The following MACF1 variants were observed in gnomAD, a reference collection of about 807,000 sequenced individuals.
MACF1 encodes the protein microtubule-actin cross-linking factor 1.
MACF1 carries 193 observed loss-of-function variants against 854.8 expected under a neutral mutation model. The observed-to-expected ratio is 0.23, with a 90% confidence interval of 0.20 to 0.25. The LOEUF (loss-of-function observed/expected upper bound fraction) is 0.25. Among genes scored for constraint, MACF1 ranks in the 10% least tolerant of loss-of-function variants. MACF1 has a pLI of 1.00. For missense variants in MACF1, 7,722 were observed against 8,929.1 expected, an observed-to-expected ratio of 0.86 and a Z score of 5.45; for synonymous variants, 3,185 against 3,226.7, an observed-to-expected ratio of 0.99 and a Z score of 0.44.
intron 2 of MACF1, among the ~76,000 whole-genome samples, chr1:39,136,567 C>T (rs1473853825): frequency 6.6e-6 from 1 of 152,144 alleles, no homozygotes; most frequent in East Asian, 1.9e-4. Context: ...CATAGAGACA[C>T]GTCACCTCAG....
chr1:39,345,202 T>G (rs1266094959), intron 40 of MACF1, among the ~76,000 whole-genome samples: 1 of 152,222 alleles, frequency 6.6e-6, no homozygotes, highest in Non-Finnish European at 1.5e-5. Flanking sequence ...AAACAGATGA[T>G]TTTAGTGTTT....
At chr1:39,285,239 CATT>C in intron 12 of MACF1, 29 bp downstream of exon 12, 2 of 1,614,130 alleles carry the variant, frequency 1.2e-6, no homozygotes, top group Non-Finnish European at 1.7e-6. Flanking sequence ...AGTGGTCTGA[CATT>C]ATTTATTGAG....
intron 6 of MACF1, among the ~76,000 whole-genome samples, chr1:39,279,231 T>C (rs890318356): frequency 1.3e-5 from 2 of 152,078 alleles, no homozygotes; most frequent in African/African-American, 4.8e-5. Context: ...TAGGGTACAG[T>C]TTCACCTTCA....
intron 20 of MACF1, among the ~76,000 whole-genome samples, chr1:39,296,751 A>AAAGG (rs1305821871): frequency 0.015 from 1,418 of 93,684 alleles, 78 homozygotes; most frequent in African/African-American, 0.06. Flanking sequence ...AGAAAGAAAG[A>AAAGG]AAGGAAGGAA....
At chr1:39,369,116 G>C (rs776757910) in intron 50 of MACF1, among the ~76,000 whole-genome samples, 8 of 151,618 alleles carry the variant, frequency 5.3e-5, no homozygotes, top group Non-Finnish European at 7.4e-5. Flanking sequence ...GGGATTACAG[G>C]TGTGAACCAC....
At chr1:39,244,919 G>A (rs1456134388) in intron 2 of MACF1, among the ~76,000 whole-genome samples, 9 of 151,768 alleles carry the variant, frequency 5.9e-5, no homozygotes, top group Admixed American at 5.9e-4. Flanking sequence ...TGCTGTGTTG[G>A]TCAGGGTGGT....
intron 31 of MACF1, 48 bp downstream of exon 31, chr1:39,319,795 G>A (rs2148450545): frequency 1.5e-6 from 2 of 1,340,864 alleles, no homozygotes; most frequent in East Asian, 2.3e-5. Flanking sequence ...ACCAGCTCAG[G>A]AAAACCTACA....
chr1:39,475,942 C>T (rs1040322994), intron 97 of MACF1, among the ~76,000 whole-genome samples: 1 of 152,096 alleles, frequency 6.6e-6, no homozygotes, highest in African/African-American at 2.4e-5. Context: ...GAGTGGTCAG[C>T]AAGGGAGCAG....
chr1:39,405,066 G>A (rs374626589), intron 58 of MACF1, among the ~76,000 whole-genome samples: 1 of 152,122 alleles, frequency 6.6e-6, no homozygotes. Flanking sequence ...GGCTTACAGG[G>A]GTCATGAGAG....
intron 45 of MACF1, 83 bp from the exon 46 acceptor site, chr1:39,358,613 CA>C (rs1647802397): frequency 1.5e-6 from 2 of 1,331,980 alleles, no homozygotes; most frequent in East Asian, 4.6e-5. Context: ...TTGTCTGTAA[CA>C]AAGCCAGGCC....
At chr1:39,323,140 A>G in intron 33 of MACF1, 132 bp downstream of exon 33, 1 of 777,970 alleles carries the variant, frequency 1.3e-6, no homozygotes, top group South Asian at 1.5e-5. Flanking sequence ...AGGAGTTTGA[A>G]TCCAGCATGG....
At chr1:39,109,801 G>A (rs1257859915) in intron 2 of MACF1, among the ~76,000 whole-genome samples, 1 of 152,108 alleles carries the variant, frequency 6.6e-6, no homozygotes, top group Non-Finnish European at 1.5e-5. Context: ...ATCACAGAAG[G>A]GAGTTTTAAA....
Position 39,460,933 on chromosome 1 carries a change from G to A in MACF1, c.21523+139G>A. ...CACCTGTAATTCCAGCACTTTGGGAGGCAGGTGGCAAAGGCATGGTGGCAC... is the reference window on the plus strand; with the variant it reads ...CACCTGTAATTCCAGCACTTTGGGAAGCAGGTGGCAAAGGCATGGTGGCAC... On this transcript the variant is annotated intron_variant, in intron 92 of 100. Transcript: ENST00000564288. This position sits in a 1 kb window ranked among gnomAD's most constrained non-coding sequence, Gnocchi z 4.1. 5.2e-6 allele frequency: 5 copies of A among 954,382 alleles called. No homozygotes were observed. Among genetic ancestry groups the A allele is most frequent in the South Asian group, 1.6e-5 (1 of 63,708 alleles). The allele number at this position is 954,382 out of a possible 1,614,324, so 59.1% of individuals were successfully genotyped here.
chr1:39,433,240 G>A (rs1470951707), intron 68 of MACF1, 85 bp downstream of exon 68: 1 of 777,754 alleles, frequency 1.3e-6, no homozygotes, highest in African/African-American at 1.8e-5. Flanking sequence ...ATGGTTTAAG[G>A]CTTTTTCCCT....
At chr1:39,319,838 A>T (rs1036267707) in intron 31 of MACF1, 91 bp downstream of exon 31, 2 of 902,786 alleles carry the variant, frequency 2.2e-6, no homozygotes, top group Admixed American at 4.4e-5. Flanking sequence ...TAGACAAATT[A>T]AGCAGAGTTC....
At chr1:39,200,181 T>C (rs1644372059), upstream of MACF1, among the ~76,000 whole-genome samples, 1 of 152,230 alleles carries the variant, frequency 6.6e-6, no homozygotes, top group South Asian at 2.1e-4. Flanking sequence ...TTAATAGCTC[T>C]TGCATGGTTA....
chr1:39,306,910 G>A (rs1646192883), intron 23 of MACF1, among the ~76,000 whole-genome samples: 1 of 150,400 alleles, frequency 6.6e-6, no homozygotes, highest in Admixed American at 6.6e-5. Context: ...GAGTCTTGCT[G>A]TGTTGCCCAG....
chr1:39,292,066 A>G (rs371380976), intron 16 of MACF1, 28 bp downstream of exon 16: 208 of 1,611,324 alleles, frequency 1.3e-4, no homozygotes, highest in Non-Finnish European at 1.7e-4. Context: ...TCCACATTAC[A>G]GGAGGGACGT....
Position 39,268,737 on chromosome 1 carries a change from T to G in MACF1, c.528+10709T>G, listed in dbSNP as rs1160401574. The G allele has an allele frequency of 3.9e-6, 5 of 1,286,874 alleles. No homozygotes were observed. The Admixed American group carries it at 7.0e-5, about 18-fold the overall frequency. 79.7% of individuals were successfully genotyped at this position (1,286,874 alleles called of 1,614,324 possible). ...GGGCTGTTTTAAGGAGCCGAAAGAG[T>G]CAATAGCTATTCCTGAGAAGGCTCC... On this transcript the variant is annotated intron_variant, in intron 6 of 100. Coordinates refer to ENST00000564288, the MANE Select transcript of MACF1 (RefSeq NM_001394062.1).
Sources: allele counts gnomAD v4.1 joint callset (sites outside exome capture counted in the v4.1 genomes callset), GRCh38; gene constraint gnomAD v4.1.1; non-coding constraint Gnocchi (gnomAD v3.1); transcripts MANE v1.5; gene names NCBI Gene and HGNC (gene_info 2026-07-23, HGNC 2026-07-21).